CCSER1: variants seen among roughly 807,000 people sequenced by gnomAD.
The protein encoded by CCSER1 is serine-rich coiled-coil domain-containing protein 1.
Under a neutral mutation model 82.0 loss-of-function variants are expected in CCSER1, and 41 were observed. That is an observed-to-expected ratio of 0.50 (90% CI 0.39 to 0.65). The LOEUF (loss-of-function observed/expected upper bound fraction) is 0.65, where lower values mean the gene tolerates loss of function less well. CCSER1 is among the 30% of genes least tolerant of loss of function. The pLI is 0.00. For synonymous variants in CCSER1, 414 were observed against 383.9 expected, an observed-to-expected ratio of 1.08 and a Z score of -0.92; for missense variants, 1,119 against 1,064.2, an observed-to-expected ratio of 1.05 and a Z score of -0.72.
chr4:91,168,960 G>C (rs910430485), intron 10 of CCSER1, among the ~76,000 whole-genome samples: 1 of 151,912 alleles, frequency 6.6e-6, no homozygotes, highest in Non-Finnish European at 1.5e-5. Context: ...GATTAAGGGC[G>C]GTGCAAGATG....
intron 10 of CCSER1, among the ~76,000 whole-genome samples, chr4:91,113,106 A>T (rs1726226511): frequency 6.6e-6 from 1 of 152,220 alleles, no homozygotes; most frequent in African/African-American, 2.4e-5. Context: ...TAATTGCCTT[A>T]CATGTGTCTG....
At chr4:90,551,706 C>CTATATATATATATATATATATATATATA (rs1553940962) in intron 5 of CCSER1, among the ~76,000 whole-genome samples, 1 of 104,222 alleles carries the variant, frequency 9.6e-6, no homozygotes, top group African/African-American at 4.6e-5. Context: ...CTCTCTCTCT[C>CTATATATATATATATATATATATATATA]TATATATATA....
chr4:91,454,356 C>G (rs1756032003), intron 10 of CCSER1, among the ~76,000 whole-genome samples: 1 of 152,014 alleles, frequency 6.6e-6, no homozygotes, highest in African/African-American at 2.4e-5. Context: ...CCCCTTCCCC[C>G]ATCTTTAAAG....
chr4:90,870,454 C>T (rs571866141), intron 8 of CCSER1, among the ~76,000 whole-genome samples: 2 of 151,580 alleles, frequency 1.3e-5, no homozygotes, highest in Middle Eastern at 3.4e-3. Flanking sequence ...GAAATGATCA[C>T]GATTTTGTCC....
At chr4:91,124,224 A>C (rs1267573554) in intron 10 of CCSER1, among the ~76,000 whole-genome samples, 1 of 151,766 alleles carries the variant, frequency 6.6e-6, no homozygotes, top group Non-Finnish European at 1.5e-5. Context: ...TACTGTCATA[A>C]AAATTTCAAA....
At chr4:90,344,511 AC>A (rs1307200933) in intron 3 of CCSER1, among the ~76,000 whole-genome samples, 1 of 152,062 alleles carries the variant, frequency 6.6e-6, no homozygotes, top group African/African-American at 2.4e-5. Context: ...GGGGTTACAT[AC>A]CAATAAACCC....
At chr4:91,559,866 T>C (rs1293442274) in intron 10 of CCSER1, among the ~76,000 whole-genome samples, 1 of 151,474 alleles carries the variant, frequency 6.6e-6, no homozygotes, top group Non-Finnish European at 1.5e-5. Flanking sequence ...GGTCTTATTC[T>C]ATTACTTTAT....
At chr4:90,380,873 C>A (rs1749090265) in intron 3 of CCSER1, among the ~76,000 whole-genome samples, 1 of 152,150 alleles carries the variant, frequency 6.6e-6, no homozygotes, top group African/African-American at 2.4e-5. Context: ...TCTCCCTGCT[C>A]CCAAAGAGCT....
chr4:90,641,886 ATAAT>A, intron 6 of CCSER1: 1 of 274,724 alleles, frequency 3.6e-6, no homozygotes, highest in Admixed American at 3.3e-5. Context: ...ATCATATTCA[ATAAT>A]TAATCAAATA....
intron 10 of CCSER1, among the ~76,000 whole-genome samples, chr4:91,369,825 A>G (rs1749904931): frequency 6.8e-6 from 1 of 146,588 alleles, no homozygotes; most frequent in African/African-American, 2.5e-5. Flanking sequence ...CACGCCCACC[A>G]CGCCTAGCTA....
At position 90,370,572 on chromosome 4, in the gene CCSER1, G is replaced by A. The variant is rs147884375; in HGVS notation, c.1510-29464G>A. 4.6e-5 allele frequency: 7 copies of A among 151,962 alleles called. No individual in the cohort carries two copies. The East Asian group carries it at 9.6e-4, about 21-fold the overall frequency. 9.4% of individuals were successfully genotyped at this position (151,962 alleles called of 1,614,324 possible). On this transcript the variant is annotated intron_variant, in intron 3 of 10. Transcript: ENST00000509176. The stretch of plus-strand genomic sequence containing the variant: ...CATTATTCATAATTTACCTTGTTTT[G>A]TATGTCTTCTTTGGGAGACTTGCTT...
intron 7 of CCSER1, among the ~76,000 whole-genome samples, chr4:90,751,335 C>G (rs758536789): frequency 2.0e-5 from 3 of 152,112 alleles, no homozygotes; most frequent in Non-Finnish European, 2.9e-5. Flanking sequence ...TAAATTAATA[C>G]ATTTTTATGT....
chr4:90,454,865 C>G (rs970600706), intron 4 of CCSER1, among the ~76,000 whole-genome samples: 1 of 152,040 alleles, frequency 6.6e-6, no homozygotes, highest in Non-Finnish European at 1.5e-5. Context: ...CCTTAAGTTC[C>G]GTAGAGAAAA....
At chr4:90,998,269 G>A (rs1344971965) in intron 9 of CCSER1, among the ~76,000 whole-genome samples, 1 of 151,924 alleles carries the variant, frequency 6.6e-6, no homozygotes, top group African/African-American at 2.4e-5. Context: ...TAGTAGAGAC[G>A]GGGTTTCTCC....
intron 9 of CCSER1, among the ~76,000 whole-genome samples, chr4:91,061,920 G>A (rs1486417105): frequency 6.6e-6 from 1 of 151,894 alleles, no homozygotes; most frequent in African/African-American, 2.4e-5. Flanking sequence ...ATGGAAGTTG[G>A]TATTTAGGTG....
At chr4:91,028,676 G>T (rs978432259) in intron 9 of CCSER1, among the ~76,000 whole-genome samples, 1 of 151,308 alleles carries the variant, frequency 6.6e-6, no homozygotes, top group African/African-American at 2.4e-5. Context: ...TTTCTTTAGA[G>T]CTTGTTAACA....
intron 4 of CCSER1, among the ~76,000 whole-genome samples, chr4:90,441,904 T>G (rs1759942044): frequency 6.6e-6 from 1 of 152,214 alleles, no homozygotes; most frequent in Admixed American, 6.5e-5. Flanking sequence ...AAGTTTTGGA[T>G]AGTTGCCCTA....
At chr4:91,419,544 G>A (rs1225877136) in intron 10 of CCSER1, among the ~76,000 whole-genome samples, 1 of 152,038 alleles carries the variant, frequency 6.6e-6, no homozygotes, top group Non-Finnish European at 1.5e-5. Context: ...AGATTTTGAT[G>A]AAAGAAATTG....
intron 1 of CCSER1, among the ~76,000 whole-genome samples, chr4:90,258,187 T>A (rs1363033419): frequency 6.6e-6 from 1 of 152,198 alleles, no homozygotes; most frequent in Non-Finnish European, 1.5e-5. Context: ...GGGCTACTGG[T>A]ATGACATCAC....
Sources: gnomAD v4.1 joint callset for allele counts (sites outside exome capture counted in the v4.1 genomes callset) on GRCh38, gnomAD v4.1.1 for gene constraint, MANE v1.5 for transcripts, NCBI Gene and HGNC (gene_info 2026-07-23, HGNC 2026-07-21) for gene names.